The following CTNNA3 variants were observed in gnomAD, a reference collection of about 807,000 sequenced individuals.
CTNNA3 encodes catenin alpha 3.
In CTNNA3, 76 loss-of-function variants were observed where a neutral mutation model predicts 95.7. That is an observed-to-expected ratio of 0.79 (90% CI 0.66 to 0.96). The LOEUF is 0.96. CTNNA3 is among the 40% of genes least tolerant of loss of function. CTNNA3 has a pLI of 0.00. For missense variants in CTNNA3, 1,191 were observed against 1,089.8 expected (o/e 1.09, Z -1.31); for synonymous variants, 431 against 374.4 (o/e 1.15, Z -1.74).
At chr10:67,317,078 T>C (rs1841085423) in intron 5 of CTNNA3, among the ~76,000 whole-genome samples, 1 of 152,196 alleles carries the variant, frequency 6.6e-6, no homozygotes, top group East Asian at 1.9e-4. Context: ...TAGATCTTCT[T>C]TTCAGCATAA....
intron 11 of CTNNA3, among the ~76,000 whole-genome samples, chr10:66,458,160 G>T (rs1192075761): frequency 6.6e-6 from 1 of 152,100 alleles, no homozygotes; most frequent in African/African-American, 2.4e-5. Flanking sequence ...CAAAACAATT[G>T]TATGTCAATG....
intron 13 of CTNNA3, among the ~76,000 whole-genome samples, chr10:66,244,338 G>A (rs1010628915): frequency 6.6e-6 from 1 of 152,206 alleles, no homozygotes; most frequent in African/African-American, 2.4e-5. Context: ...CGGAAGGGAA[G>A]GACATAAACA....
chr10:67,422,186 C>A (rs1845770413), intron 5 of CTNNA3, among the ~76,000 whole-genome samples: 1 of 152,006 alleles, frequency 6.6e-6, no homozygotes, highest in African/African-American at 2.4e-5. Context: ...GGACAACTGA[C>A]AAAATTTGAA....
At chr10:66,369,681 T>A (rs1383235830) in intron 12 of CTNNA3, among the ~76,000 whole-genome samples, 1 of 152,208 alleles carries the variant, frequency 6.6e-6, no homozygotes, top group Non-Finnish European at 1.5e-5. Context: ...AGCTTGTAGA[T>A]AACATTGTCA....
intron 11 of CTNNA3, among the ~76,000 whole-genome samples, chr10:66,492,757 G>T (rs1289038249): frequency 1.3e-5 from 2 of 152,150 alleles, no homozygotes; most frequent in East Asian, 3.9e-4. Context: ...GAGGCTTGAA[G>T]TCATTTAAAG....
chr10:67,097,986 T>C, intron 7 of CTNNA3: 1 of 590,244 alleles, frequency 1.7e-6, no homozygotes, highest in South Asian at 2.1e-5. Context: ...CACTTTGTAA[T>C]TAGCTAAGTT....
At chr10:67,511,191 C>T (rs1417398184) in intron 5 of CTNNA3, among the ~76,000 whole-genome samples, 2 of 152,180 alleles carry the variant, frequency 1.3e-5, no homozygotes, top group African/African-American at 4.8e-5. Flanking sequence ...ACTTCTTTCT[C>T]TTGCCTGATT....
chr10:67,089,076 T>C (rs1857477145), intron 7 of CTNNA3, among the ~76,000 whole-genome samples: 1 of 152,018 alleles, frequency 6.6e-6, no homozygotes, highest in Non-Finnish European at 1.5e-5. Flanking sequence ...ATGTAAGTAC[T>C]ACACACCATT....
chr10:67,682,527 G>A (rs1027066880), intron 1 of CTNNA3, among the ~76,000 whole-genome samples: 1 of 152,128 alleles, frequency 6.6e-6, no homozygotes, highest in Admixed American at 6.5e-5. Flanking sequence ...TATCATCAGT[G>A]CTGTTTAAGT....
At chr10:66,944,426 A>G (rs1373871212) in intron 7 of CTNNA3, among the ~76,000 whole-genome samples, 1 of 152,110 alleles carries the variant, frequency 6.6e-6, no homozygotes, top group Non-Finnish European at 1.5e-5. Flanking sequence ...ATCTTCAGTT[A>G]CTTCCTCCAC....
chr10:66,380,882 G>A (rs1390656180), intron 11 of CTNNA3, among the ~76,000 whole-genome samples: 6 of 150,814 alleles, frequency 4.0e-5, no homozygotes, highest in Non-Finnish European at 5.9e-5. Flanking sequence ...ACCCAATACA[G>A]GAGCACCCAG....
At chr10:67,145,288 G>A in intron 7 of CTNNA3, among the ~76,000 whole-genome samples, 1 of 152,084 alleles carries the variant, frequency 6.6e-6, no homozygotes. Context: ...CATGAAATGA[G>A]TACATGCTGT....
chr10:67,055,191 T>A (rs1855348145), intron 7 of CTNNA3, among the ~76,000 whole-genome samples: 1 of 152,184 alleles, frequency 6.6e-6, no homozygotes, highest in Non-Finnish European at 1.5e-5. Context: ...GCATCTCAAC[T>A]TTCCACATAA....
At chr10:67,307,098 T>C (rs577813517) in intron 5 of CTNNA3, among the ~76,000 whole-genome samples, 2 of 152,368 alleles carry the variant, frequency 1.3e-5, no homozygotes, top group South Asian at 4.1e-4. Context: ...TCTGGCATTA[T>C]GCTTTAACAG....
chr10:67,451,131 T>A (rs992273379), intron 5 of CTNNA3, among the ~76,000 whole-genome samples: 1 of 152,040 alleles, frequency 6.6e-6, no homozygotes, highest in African/African-American at 2.4e-5. Flanking sequence ...AAGGATAAGT[T>A]TGGCCCCCAC....
intron 5 of CTNNA3, among the ~76,000 whole-genome samples, chr10:67,388,011 C>T (rs1844267435): frequency 6.6e-6 from 1 of 151,896 alleles, no homozygotes; most frequent in Admixed American, 6.6e-5. Context: ...GCCTCTCCTC[C>T]TCCAAAGGAA....
intron 7 of CTNNA3, among the ~76,000 whole-genome samples, chr10:66,998,437 C>A (rs929797649): frequency 6.6e-6 from 1 of 151,928 alleles, no homozygotes; most frequent in Non-Finnish European, 1.5e-5. Flanking sequence ...CCAATAAATA[C>A]AAAGGGACTA....
intron 1 of CTNNA3, among the ~76,000 whole-genome samples, chr10:67,728,045 AT>A (rs1841251903): frequency 7.1e-6 from 1 of 140,852 alleles, no homozygotes. Flanking sequence ...TATAATTATA[AT>A]TATATATAAT....
intron 10 of CTNNA3, among the ~76,000 whole-genome samples, chr10:66,603,095 A>T (rs1352263380): frequency 6.6e-6 from 1 of 152,130 alleles, no homozygotes; most frequent in African/African-American, 2.4e-5. Flanking sequence ...TAGTCACGGC[A>T]ACTAGGCAAA....
Sources: allele counts gnomAD v4.1 joint callset (sites outside exome capture counted in the v4.1 genomes callset), GRCh38; gene constraint gnomAD v4.1.1; transcripts MANE v1.5; gene names NCBI Gene and HGNC (gene_info 2026-07-23, HGNC 2026-07-21).